Variants in TMEM135 observed in about 807,000 individuals in gnomAD.
TMEM135 encodes transmembrane protein 135, also known as peroxisomal membrane protein 52.
TMEM135 carries 30 observed loss-of-function variants against 60.3 expected under a neutral mutation model. The ratio of observed to expected loss-of-function variants is 0.50; its 90% confidence interval spans 0.37 to 0.68. The LOEUF (loss-of-function observed/expected upper bound fraction) is 0.68, where lower values mean the gene tolerates loss of function less well. Among genes scored for constraint, TMEM135 ranks in the 30% least tolerant of loss-of-function variants. The pLI, the probability that TMEM135 is intolerant of heterozygous loss-of-function variation, is 0.00. For synonymous variants in TMEM135, 190 were observed against 186.7 expected (o/e 1.02, Z -0.14); for missense variants, 468 against 548.8 (o/e 0.85, Z 1.47).
chr11:87,276,562 G>T (rs1298332803), intron 6 of TMEM135, among the ~76,000 whole-genome samples: 1 of 151,040 alleles, frequency 6.6e-6, no homozygotes, highest in Non-Finnish European at 1.5e-5. Context: ...GAGTGTTTGT[G>T]TGTGTGTGTG....
chr11:87,312,408 T>C (rs1209873145), intron 10 of TMEM135, among the ~76,000 whole-genome samples: 4 of 151,976 alleles, frequency 2.6e-5, no homozygotes, highest in African/African-American at 9.7e-5. Context: ...TCCTTTGTTA[T>C]AGGATTTAAC....
At chr11:87,046,956 G>C (rs2135110141) in intron 1 of TMEM135, among the ~76,000 whole-genome samples, 1 of 152,302 alleles carries the variant, frequency 6.6e-6, no homozygotes, top group South Asian at 2.1e-4. Context: ...GTGAACCTCA[G>C]TGTCCTCATC....
intron 4 of TMEM135, among the ~76,000 whole-genome samples, chr11:87,094,524 A>G (rs1480341837): frequency 1.3e-5 from 2 of 151,992 alleles, no homozygotes; most frequent in Non-Finnish European, 2.9e-5. Flanking sequence ...CCCTCCGCCT[A>G]GTCTTTCCTC....
intron 6 of TMEM135, among the ~76,000 whole-genome samples, chr11:87,239,435 A>C (rs1490589488): frequency 6.6e-6 from 1 of 151,516 alleles, no homozygotes; most frequent in Non-Finnish European, 1.5e-5. Context: ...ATGAACAAAC[A>C]CTATTGTACA....
chr11:87,219,473 G>A (rs1054948399), intron 5 of TMEM135, among the ~76,000 whole-genome samples: 3 of 152,126 alleles, frequency 2.0e-5, no homozygotes, highest in African/African-American at 4.8e-5. Context: ...TGGCGGGGCT[G>A]GGGGGAGAGA....
intron 5 of TMEM135, among the ~76,000 whole-genome samples, chr11:87,229,026 A>C (rs1201056600): frequency 6.6e-6 from 1 of 152,150 alleles, no homozygotes; most frequent in African/African-American, 2.4e-5. Context: ...AATATATTGT[A>C]AATCTGTCAT....
intron 5 of TMEM135, among the ~76,000 whole-genome samples, chr11:87,218,213 C>T (rs1340870546): frequency 6.6e-6 from 1 of 152,096 alleles, no homozygotes; most frequent in Non-Finnish European, 1.5e-5. Context: ...TTTATCCACC[C>T]CCAAATCTCA....
intron 6 of TMEM135, among the ~76,000 whole-genome samples, chr11:87,283,434 T>A (rs1281256147): frequency 6.6e-6 from 1 of 152,220 alleles, no homozygotes; most frequent in Non-Finnish European, 1.5e-5. Context: ...TATTTAACTT[T>A]GGTATCAAAT....
intron 6 of TMEM135, among the ~76,000 whole-genome samples, chr11:87,274,864 A>G (rs1009504264): frequency 6.7e-6 from 1 of 149,318 alleles, no homozygotes; most frequent in Non-Finnish European, 1.5e-5. Context: ...ATATATGCAT[A>G]TATATTTATA....
chr11:87,200,613 A>G (rs779406333), intron 5 of TMEM135, among the ~76,000 whole-genome samples: 1 of 152,198 alleles, frequency 6.6e-6, no homozygotes, highest in Non-Finnish European at 1.5e-5. Flanking sequence ...TTACATTGAC[A>G]CATCATTATC....
At chr11:87,100,058 T>C (rs1394457027) in intron 4 of TMEM135, among the ~76,000 whole-genome samples, 2 of 152,182 alleles carry the variant, frequency 1.3e-5, no homozygotes, top group African/African-American at 4.8e-5. Flanking sequence ...AAGAAACCTT[T>C]GAATCTCTAG....
At chr11:87,283,089 C>T (rs1189277740) in intron 6 of TMEM135, among the ~76,000 whole-genome samples, 2 of 152,018 alleles carry the variant, frequency 1.3e-5, no homozygotes, top group African/African-American at 4.8e-5. Flanking sequence ...AATCCCAGCA[C>T]TTTGGGAGGC....
chr11:87,170,243 C>T (rs1280384897), intron 5 of TMEM135, among the ~76,000 whole-genome samples: 1 of 152,124 alleles, frequency 6.6e-6, no homozygotes, highest in Non-Finnish European at 1.5e-5. Context: ...GCTTCTTTAC[C>T]TCAGAGGAGT....
chr11:87,038,207 C>T (rs1379628499), intron 1 of TMEM135, 21 bp downstream of exon 1: 2 of 1,613,598 alleles, frequency 1.2e-6, no homozygotes, highest in African/African-American at 1.3e-5. Flanking sequence ...TCACCCGTCC[C>T]GCAGGGCGAG....
At chr11:87,310,849 A>C (rs1399517787) in intron 10 of TMEM135, among the ~76,000 whole-genome samples, 1 of 151,976 alleles carries the variant, frequency 6.6e-6, no homozygotes, top group Non-Finnish European at 1.5e-5. Flanking sequence ...ACTCTATAAA[A>C]GATATGTGTT....
At chr11:87,191,568 A>G (rs1939799410) in intron 5 of TMEM135, among the ~76,000 whole-genome samples, 1 of 152,146 alleles carries the variant, frequency 6.6e-6, no homozygotes, top group South Asian at 2.1e-4. Context: ...AGTACAGTCA[A>G]CACTTTGGGG....
chr11:87,242,099 G>T (rs887773323), intron 6 of TMEM135, among the ~76,000 whole-genome samples: 3 of 151,296 alleles, frequency 2.0e-5, no homozygotes, highest in Non-Finnish European at 2.9e-5. Context: ...AGAACATGCG[G>T]TGTTTGGTTT....
chr11:87,220,645 C>A (rs1294739506), intron 5 of TMEM135, among the ~76,000 whole-genome samples: 1 of 152,064 alleles, frequency 6.6e-6, no homozygotes, highest in Non-Finnish European at 1.5e-5. Flanking sequence ...TTAGAAATAT[C>A]CCAGAGAGAA....
Position 87,223,663 on chromosome 11 carries a change from G to GCACA in TMEM135, c.463-12972_463-12971insACAC, listed in dbSNP as rs1320732136. ...CTGTCTCTACTAAAAATACGCACAT[G>GCACA]CACGCACACACACACACACACACAC... On this transcript the variant is annotated intron_variant, in intron 5 of 14. Transcript: ENST00000305494. Among the ~76,000 whole-genome samples, 451 of 130,950 alleles carry GCACA rather than the reference G, an allele frequency of 3.4e-3. 2 individuals carry two copies. The highest frequency in any genetic ancestry group is 7.1e-3 in the African/African-American group (237 of 33,544). 85.9% of individuals were successfully genotyped at this position (130,950 alleles called of 152,430 possible). A position where few individuals can be genotyped will look rare whatever the true frequency, so the allele number is the denominator to read the frequency against.
Sources: allele counts gnomAD v4.1 joint callset (sites outside exome capture counted in the v4.1 genomes callset), GRCh38; gene constraint gnomAD v4.1.1; transcripts MANE v1.5; gene names NCBI Gene and HGNC (gene_info 2026-07-23, HGNC 2026-07-21).